The following ELAPOR1 variants were observed in gnomAD, a reference collection of about 807,000 sequenced individuals.
The protein encoded by ELAPOR1 is endosome-lysosome associated apoptosis and autophagy regulator 1.
A neutral mutation model predicts 119.7 loss-of-function variants in ELAPOR1; 77 were observed. That is an observed-to-expected ratio of 0.64 (90% CI 0.54 to 0.78). The LOEUF is 0.78. Among genes scored for constraint, ELAPOR1 ranks in the 30% least tolerant of loss-of-function variants. The probability of loss-of-function intolerance (pLI) is 0.00; values close to 1 mark genes in which losing one functional copy is unlikely to be tolerated. For synonymous variants in ELAPOR1, 481 were observed against 487.2 expected, an observed-to-expected ratio of 0.99 and a Z score of 0.17; for missense variants, 1,115 against 1,270.4, an observed-to-expected ratio of 0.88 and a Z score of 1.86.
chr1:109,189,591 G>T lies in ELAPOR1; in HGVS notation c.1349-1G>T, dbSNP rs1172817718. Reference sequence around the variant, plus strand: ...CATTAACTCTCCTCTTTCCTTTTCAGGCTGGGAGGTGGCTGGTGATCACAT... The same window carrying T: ...CATTAACTCTCCTCTTTCCTTTTCATGCTGGGAGGTGGCTGGTGATCACAT... On this transcript the variant is annotated splice_acceptor_variant, in intron 10 of 21. Transcript: ENST00000369939. LOFTEE classifies it high-confidence loss of function. 1 of 1,613,664 alleles carries T rather than the reference G, an allele frequency of 6.2e-7. No homozygotes were observed. Among genetic ancestry groups the T allele is most frequent in the Non-Finnish European group, 8.5e-7 (1 of 1,179,802 alleles).
At chr1:109,116,504 C>T (rs1440690349) in intron 1 of ELAPOR1, among the ~76,000 whole-genome samples, 1 of 152,298 alleles carries the variant, frequency 6.6e-6, no homozygotes, top group East Asian at 1.9e-4. Context: ...GTCCTGTTTA[C>T]ATTCTCCTTG....
At chr1:109,165,117 C>A (rs1651503473) in intron 3 of ELAPOR1, among the ~76,000 whole-genome samples, 1 of 152,002 alleles carries the variant, frequency 6.6e-6, no homozygotes, top group African/African-American at 2.4e-5. Flanking sequence ...ATAGCGAGAC[C>A]CCTGTCTCTA....
At chr1:109,136,750 A>G (rs1649496757) in intron 1 of ELAPOR1, among the ~76,000 whole-genome samples, 1 of 152,222 alleles carries the variant, frequency 6.6e-6, no homozygotes, top group Non-Finnish European at 1.5e-5. Flanking sequence ...TAAACCTCTC[A>G]GTTAGCAACA....
intron 21 of ELAPOR1, among the ~76,000 whole-genome samples, chr1:109,202,497 A>G (rs181080138): frequency 6.6e-6 from 1 of 151,708 alleles, no homozygotes; most frequent in Non-Finnish European, 1.5e-5. Flanking sequence ...GCTGGAGTGC[A>G]GTGGCATGAT....
At chr1:109,198,525 A>T (rs772173943) in intron 17 of ELAPOR1, 48 bp from the exon 18 acceptor site, 2 of 1,520,072 alleles carry the variant, frequency 1.3e-6, no homozygotes, top group Non-Finnish European at 9.0e-7. Context: ...CTGTCCAATA[A>T]CACAGCTGAG....
At chr1:109,116,383 G>A (rs1371701218) in intron 1 of ELAPOR1, among the ~76,000 whole-genome samples, 1 of 152,194 alleles carries the variant, frequency 6.6e-6, no homozygotes, top group African/African-American at 2.4e-5. Flanking sequence ...AAACACAAAA[G>A]AGAGTTACCC....
chr1:109,119,310 T>C (rs617482), intron 1 of ELAPOR1, among the ~76,000 whole-genome samples: 31,724 of 150,922 alleles, frequency 0.21, 4,817 homozygotes, highest in East Asian at 0.42. Context: ...CATCCTCCCA[T>C]CTCAGTTGGG....
At chr1:109,169,076 G>T (rs1651769236) in intron 3 of ELAPOR1, among the ~76,000 whole-genome samples, 1 of 152,228 alleles carries the variant, frequency 6.6e-6, no homozygotes. Flanking sequence ...TTTCAACAAG[G>T]AGAAATCAAT....
At chr1:109,144,533 G>C (rs1287520409) in intron 1 of ELAPOR1, among the ~76,000 whole-genome samples, 1 of 152,064 alleles carries the variant, frequency 6.6e-6, no homozygotes, top group East Asian at 1.9e-4. Context: ...CTGAGGTCAG[G>C]AGTTCAAGAC....
intron 1 of ELAPOR1, among the ~76,000 whole-genome samples, chr1:109,160,849 G>A (rs1651201885): frequency 6.6e-6 from 1 of 152,228 alleles, no homozygotes; most frequent in Non-Finnish European, 1.5e-5. Flanking sequence ...ACGCTTAAGG[G>A]CATTTGGCAC....
At chr1:109,148,676 C>T (rs1194903547) in intron 1 of ELAPOR1, among the ~76,000 whole-genome samples, 2 of 152,208 alleles carry the variant, frequency 1.3e-5, no homozygotes, top group African/African-American at 2.4e-5. Context: ...AGACAGCTAA[C>T]ATATCCAAAC....
intron 1 of ELAPOR1, among the ~76,000 whole-genome samples, chr1:109,148,446 T>C (rs1370993362): frequency 6.6e-6 from 1 of 152,212 alleles, no homozygotes; most frequent in Non-Finnish European, 1.5e-5. Context: ...GCCAAGTCTA[T>C]TATTTTAAAA....
intron 21 of ELAPOR1, chr1:109,201,486 A>G (rs551490324): frequency 1.5e-5 from 6 of 403,484 alleles, no homozygotes; most frequent in Non-Finnish European, 3.0e-5. Context: ...CAGACAGCAT[A>G]CAAGCAGGTC....
chr1:109,141,881 T>C (rs1364681570), intron 1 of ELAPOR1, among the ~76,000 whole-genome samples: 2 of 151,890 alleles, frequency 1.3e-5, no homozygotes, highest in African/African-American at 4.8e-5. Flanking sequence ...CCCAGAATGG[T>C]CTTGAACTCC....
In ELAPOR1 at chr1:109,189,622, C is replaced by T; in HGVS notation, c.1379C>T (p.Thr460Ile). The change falls in exon 11 of 22, where the codon ACA becomes ATA. Residue 460 changes from threonine (T) to isoleucine (I), a missense_variant. By Grantham distance (89) the Thr-to-Ile change is moderately conservative. Transcript: ENST00000369939. ...GAGGTGGCTGGTGATCACATTTACA[C>T]AGCTGCTGGAGCCTCAGACAATGAC... ...GWEVAGDHIY[T>I]AAGASDNDFM... 1 of 1,614,154 alleles carries T rather than the reference C, an allele frequency of 6.2e-7. No homozygotes were observed.
In ELAPOR1 at chr1:109,206,570, T is replaced by G. The variant is rs796546807; in HGVS notation, c.*3558T>G. On this transcript the variant is annotated 3_prime_UTR_variant, in exon 22 of 22. Transcript: ENST00000369939. The stretch of plus-strand genomic sequence containing the variant: ...TTTGTTTTAGTGCCAACAAAACTTT[T>G]TTTTGTCTGACTACATTAAAGATAA... 2.0e-5 allele frequency: 3 copies of G among 152,344 alleles called. 1 individual carries two copies. Among genetic ancestry groups the G allele is most frequent in the African/African-American group, 7.2e-5 (3 of 41,590 alleles). 9.4% of individuals were successfully genotyped at this position (152,344 alleles called of 1,614,324 possible).
intron 1 of ELAPOR1, among the ~76,000 whole-genome samples, chr1:109,149,913 G>C (rs1286703852): frequency 6.6e-6 from 1 of 152,198 alleles, no homozygotes. Context: ...ACTTCAGGAG[G>C]CTTTTGTGAG....
intron 1 of ELAPOR1, among the ~76,000 whole-genome samples, chr1:109,142,286 C>T (rs972943465): frequency 4.6e-5 from 7 of 152,084 alleles, no homozygotes; most frequent in East Asian, 1.9e-4. Context: ...AACTAGAAGA[C>T]GTATAGGTAG....
intron 21 of ELAPOR1, among the ~76,000 whole-genome samples, chr1:109,202,201 C>T (rs1310198994): frequency 6.7e-6 from 1 of 149,800 alleles, no homozygotes; most frequent in Non-Finnish European, 1.5e-5. Context: ...CAACCTCCAC[C>T]TCCCAGGTTC....
Sources: allele counts gnomAD v4.1 joint callset (sites outside exome capture counted in the v4.1 genomes callset), GRCh38; gene constraint gnomAD v4.1.1; transcripts MANE v1.5; gene names NCBI Gene and HGNC (gene_info 2026-07-23, HGNC 2026-07-21).